The following BMP2K variants were observed in gnomAD, a reference collection of about 807,000 sequenced individuals.
BMP2K encodes BMP-2-inducible protein kinase.
In BMP2K, 74 loss-of-function variants were observed where a neutral mutation model predicts 116.0. The observed-to-expected ratio is 0.64, with a 90% CI of 0.53 to 0.77. BMP2K has a LOEUF of 0.77. BMP2K is among the 30% of genes least tolerant of loss of function. The probability of loss-of-function intolerance (pLI) is 0.00; values close to 1 mark genes in which losing one functional copy is unlikely to be tolerated. For synonymous variants in BMP2K, 486 were observed against 502.5 expected (o/e 0.97, Z 0.44); for missense variants, 1,365 against 1,403.6 (o/e 0.97, Z 0.44).
At chr4:78,839,647 A>T (rs937524188) in intron 3 of BMP2K, among the ~76,000 whole-genome samples, 9 of 152,208 alleles carry the variant, frequency 5.9e-5, no homozygotes, top group African/African-American at 1.7e-4. Flanking sequence ...ATATGTATAT[A>T]AAGTATTACC....
At chr4:78,791,482 AT>A (rs1456322000) in intron 1 of BMP2K, among the ~76,000 whole-genome samples, 1 of 151,970 alleles carries the variant, frequency 6.6e-6, no homozygotes, top group African/African-American at 2.4e-5. Flanking sequence ...CATAATAATC[AT>A]TTTTAAGTGT....
At chr4:78,789,781 G>A (rs1181254074) in intron 1 of BMP2K, among the ~76,000 whole-genome samples, 2 of 152,210 alleles carry the variant, frequency 1.3e-5, no homozygotes, top group African/African-American at 4.8e-5. Context: ...TGTAAAGTAT[G>A]TAGCGTAAAG....
At chr4:78,799,962 G>A (rs1162405608) in intron 1 of BMP2K, among the ~76,000 whole-genome samples, 4 of 152,144 alleles carry the variant, frequency 2.6e-5, no homozygotes, top group African/African-American at 9.6e-5. Flanking sequence ...TAAGTGCGGG[G>A]AATAGTGGAA....
chr4:78,780,546 AT>A (rs1390557602), intron 1 of BMP2K, among the ~76,000 whole-genome samples: 2 of 152,226 alleles, frequency 1.3e-5, no homozygotes, highest in Non-Finnish European at 2.9e-5. Context: ...AGATTTAAGC[AT>A]TATATCTCAT....
chr4:78,862,820 TGTAA>T (rs750579975), intron 9 of BMP2K, among the ~76,000 whole-genome samples: 1 of 152,146 alleles, frequency 6.6e-6, no homozygotes, highest in Admixed American at 6.6e-5. Context: ...GAGGTGAAGG[TGTAA>T]AGTTATATCT....
chr4:78,822,735 T>C (rs1729683053), intron 1 of BMP2K, among the ~76,000 whole-genome samples: 1 of 152,152 alleles, frequency 6.6e-6, no homozygotes, highest in African/African-American at 2.4e-5. Flanking sequence ...AATAATCTTA[T>C]GATTTGTGTA....
chr4:78,911,021 G>T lies in BMP2K; in HGVS notation c.2474G>T (p.Gly825Val), dbSNP rs146906878. The T allele has an allele frequency of 2.3e-4, 370 of 1,613,694 alleles. No homozygotes were observed. In the African/African-American group the frequency reaches 4.3e-3, roughly 19 times the overall value. ...AGCTCTGTCTACAGAGACAGATCTGGCAGTGGACCAACCCAAGATCTTAAT... is the reference window on the plus strand; with the variant it reads ...AGCTCTGTCTACAGAGACAGATCTGTCAGTGGACCAACCCAAGATCTTAAT... Reference protein sequence around the residue: ...DMSSVYRDRSGSGPTQDLNTI... With the variant: ...DMSSVYRDRSVSGPTQDLNTI... The change falls in exon 16 of 16, where the codon GGC (glycine) becomes GTC (valine). Residue 825 changes from glycine (G) to valine (V), a missense_variant. By Grantham distance (109) the Gly-to-Val change is moderately radical. Around this residue, in one of 3 missense-constraint regions of BMP2K, gnomAD observed 596 missense variants for 623.2 expected, o/e 0.96. Transcript: ENST00000502613.
At position 78,857,646 on chromosome 4, in the gene BMP2K, C is replaced by A. The variant is rs535283060; in HGVS notation, c.884-1938C>A. ...CATACCCCTTTCTTTTACTGCATGG[C>A]ATTTAGGCCACTAGTCCATACTGAT... On this transcript the variant is annotated intron_variant, in intron 7 of 15. Coordinates refer to ENST00000502613, the MANE Select transcript of BMP2K (RefSeq NM_198892.2). Among the ~76,000 whole-genome samples the A allele has an allele frequency of 4.6e-5, 7 of 152,208 alleles. No homozygotes were observed. In the South Asian group the frequency reaches 1.5e-3, roughly 32 times the overall value.
At chr4:78,869,658 T>G (rs1451992212) in intron 10 of BMP2K, among the ~76,000 whole-genome samples, 1 of 152,190 alleles carries the variant, frequency 6.6e-6, no homozygotes, top group Non-Finnish European at 1.5e-5. Flanking sequence ...TATTTGCCAA[T>G]TAAAAAATAA....
At chr4:78,832,800 T>C (rs11941672) in intron 2 of BMP2K, among the ~76,000 whole-genome samples, 1 of 152,076 alleles carries the variant, frequency 6.6e-6, no homozygotes, top group Non-Finnish European at 1.5e-5. Context: ...TTCATCCCCA[T>C]TATATATATT....
intron 10 of BMP2K, among the ~76,000 whole-genome samples, chr4:78,869,710 C>T (rs981035458): frequency 2.0e-5 from 3 of 152,128 alleles, no homozygotes; most frequent in African/African-American, 7.2e-5. Context: ...TATTTTAGTA[C>T]TCTTTCAACT....
At chr4:78,817,445 G>A (rs1429059193) in intron 1 of BMP2K, among the ~76,000 whole-genome samples, 2 of 152,138 alleles carry the variant, frequency 1.3e-5, no homozygotes, top group Non-Finnish European at 2.9e-5. Context: ...AAAGTGCTAC[G>A]CTTACAATTA....
intron 11 of BMP2K, 114 bp from the exon 12 acceptor site, chr4:78,871,736 T>C (rs1433245038): frequency 3.4e-6 from 2 of 596,630 alleles, no homozygotes; most frequent in African/African-American, 1.9e-5. Flanking sequence ...AGCTATTTTG[T>C]ATTGATGTTT....
chr4:78,869,699 T>C (rs1732238473), intron 10 of BMP2K, among the ~76,000 whole-genome samples: 1 of 152,186 alleles, frequency 6.6e-6, no homozygotes, highest in South Asian at 2.1e-4. Flanking sequence ...TTTTGAGTAG[T>C]TATTTTAGTA....
intron 1 of BMP2K, among the ~76,000 whole-genome samples, chr4:78,789,733 A>T (rs1560500175): frequency 6.6e-6 from 1 of 152,346 alleles, no homozygotes; most frequent in East Asian, 1.9e-4. Context: ...CTCAGTTTAG[A>T]GAGGACAAGT....
At chr4:78,853,925 AT>A (rs946993041) in intron 7 of BMP2K, among the ~76,000 whole-genome samples, 12 of 152,146 alleles carry the variant, frequency 7.9e-5, no homozygotes, top group East Asian at 1.9e-4. Flanking sequence ...TTAATTTCTG[AT>A]TTTCTGGATA....
chr4:78,859,897 A>C (rs538612304), intron 8 of BMP2K: 256 of 568,402 alleles, frequency 4.5e-4, no homozygotes, highest in Non-Finnish European at 6.8e-4. Flanking sequence ...GAGCTGCAGC[A>C]GACTCAGGCA....
intron 1 of BMP2K, among the ~76,000 whole-genome samples, chr4:78,788,403 A>C (rs916398241): frequency 1.3e-5 from 2 of 150,076 alleles, no homozygotes; most frequent in Non-Finnish European, 3.0e-5. Flanking sequence ...TGTCTACCTA[A>C]TGGGCCTAAA....
intron 1 of BMP2K, among the ~76,000 whole-genome samples, chr4:78,779,667 A>G (rs1727411013): frequency 6.6e-6 from 1 of 152,218 alleles, no homozygotes. Flanking sequence ...TCCTCAACTA[A>G]TGAGGAGCAA....
Sources: allele counts gnomAD v4.1 joint callset (sites outside exome capture counted in the v4.1 genomes callset), GRCh38; gene constraint gnomAD v4.1.1; regional missense constraint gnomAD v4.1.1; transcripts MANE v1.5; gene names NCBI Gene and HGNC (gene_info 2026-07-23, HGNC 2026-07-21).